The following SLC25A26 variants were observed in gnomAD, a reference collection of about 807,000 sequenced individuals.
The protein encoded by SLC25A26 is solute carrier family 25 member 26, also known as mitochondrial S-adenosylmethionine carrier protein.
Under a neutral mutation model 37.8 loss-of-function variants are expected in SLC25A26, and 36 were observed. The observed-to-expected ratio is 0.95, with a 90% CI of 0.73 to 1.26. The LOEUF (loss-of-function observed/expected upper bound fraction) is 1.26. SLC25A26 is among the 50% of genes most tolerant of loss of function. The pLI is 0.00. For synonymous variants in SLC25A26, 129 were observed against 122.5 expected (o/e 1.05, Z -0.35); for missense variants, 390 against 331.1 (o/e 1.18, Z -1.38).
intron 1 of SLC25A26, among the ~76,000 whole-genome samples, chr3:66,203,219 A>C (rs1431185264): frequency 1.1e-4 from 17 of 151,950 alleles, no homozygotes; most frequent in African/African-American, 4.1e-4. Flanking sequence ...TGTTTCTATA[A>C]ATAATTAAAA....
intron 1 of SLC25A26, among the ~76,000 whole-genome samples, chr3:66,232,399 C>G (rs2072076537): frequency 6.6e-6 from 1 of 152,080 alleles, no homozygotes; most frequent in Non-Finnish European, 1.5e-5. Flanking sequence ...GTAGTGCCTT[C>G]TAAAATATAG....
intron 3 of SLC25A26, among the ~76,000 whole-genome samples, chr3:66,246,554 T>C (rs1272428643): frequency 6.6e-6 from 1 of 152,202 alleles, no homozygotes; most frequent in Non-Finnish European, 1.5e-5. Context: ...ACAAATATTA[T>C]GTCATAACAT....
intron 6 of SLC25A26, among the ~76,000 whole-genome samples, chr3:66,352,789 T>A (rs1273907694): frequency 3.9e-5 from 6 of 151,942 alleles, no homozygotes; most frequent in African/African-American, 1.5e-4. Context: ...CCCTTCCCCA[T>A]ACCTCTCTCA....
intron 3 of SLC25A26, among the ~76,000 whole-genome samples, chr3:66,250,533 G>C (rs1678102): frequency 0.35 from 53,790 of 152,074 alleles, 10,070 homozygotes; most frequent in East Asian, 0.47. Flanking sequence ...TCTGGCAATG[G>C]TGGGCAGTGC....
chr3:66,294,308 T>C (rs538266136), intron 5 of SLC25A26, among the ~76,000 whole-genome samples: 1 of 152,296 alleles, frequency 6.6e-6, no homozygotes, highest in South Asian at 2.1e-4. Flanking sequence ...AGTTCATTCC[T>C]GATAGGTCTC....
rs993180072 is a variant in SLC25A26, at chr3:66,192,368, C to T, written c.-353-28374C>T. ...AAATTGCAGAATTTGCTCCCTCTCT[C>T]GACCCTCCAGCATGCGAGGGTATGA... On this transcript the variant is annotated intron_variant, in intron 1 of 10. Transcript: ENST00000676754. Among the ~76,000 whole-genome samples the T allele has an allele frequency of 8.6e-4, 130 of 151,170 alleles. No homozygotes were observed. The Middle Eastern group carries it at 0.024, about 28-fold the overall frequency.
At chr3:66,307,661 T>G (rs2075264834) in intron 5 of SLC25A26, among the ~76,000 whole-genome samples, 1 of 152,066 alleles carries the variant, frequency 6.6e-6, no homozygotes, top group Admixed American at 6.6e-5. Context: ...TCTTACATCT[T>G]GAGTTAATTT....
At chr3:66,342,743 G>A (rs2076237383) in intron 5 of SLC25A26, among the ~76,000 whole-genome samples, 1 of 152,072 alleles carries the variant, frequency 6.6e-6, no homozygotes, top group African/African-American at 2.4e-5. Context: ...ATCCTCACAT[G>A]CACTCTTGTA....
chr3:66,161,164 A>T (rs1161054098), intron 1 of SLC25A26, among the ~76,000 whole-genome samples: 1 of 149,750 alleles, frequency 6.7e-6, no homozygotes, highest in African/African-American at 2.4e-5. Flanking sequence ...GTTGTTGTAA[A>T]AAAAAAAAAA....
At chr3:66,290,325 G>T (rs2074662269) in intron 5 of SLC25A26, among the ~76,000 whole-genome samples, 1 of 151,566 alleles carries the variant, frequency 6.6e-6, no homozygotes, top group South Asian at 2.1e-4. Flanking sequence ...TTGCCTGATT[G>T]CCCTGGCCAG....
intron 1 of SLC25A26, among the ~76,000 whole-genome samples, chr3:66,175,624 ATGT>A (rs1314232689): frequency 2.6e-5 from 4 of 152,220 alleles, no homozygotes; most frequent in Non-Finnish European, 5.9e-5. Context: ...AGGAAAGCCA[ATGT>A]TGTAAGTTGT....
chr3:66,186,531 C>CT (rs1340468643), intron 1 of SLC25A26, among the ~76,000 whole-genome samples: 1 of 152,054 alleles, frequency 6.6e-6, no homozygotes, highest in Non-Finnish European at 1.5e-5. Context: ...TGACCCTAAC[C>CT]TTTACCCTGA....
intron 5 of SLC25A26, among the ~76,000 whole-genome samples, chr3:66,280,669 C>CT (rs544981470): frequency 5.9e-4 from 89 of 152,000 alleles, no homozygotes; most frequent in African/African-American, 1.7e-3. Context: ...CCACCTTTTT[C>CT]TTTTTTTTCT....
chr3:66,202,249 A>T (rs2071120574), intron 1 of SLC25A26, among the ~76,000 whole-genome samples: 1 of 152,114 alleles, frequency 6.6e-6, no homozygotes, highest in South Asian at 2.1e-4. Flanking sequence ...TTCTCAGTAA[A>T]CTAACACAGG....
intron 1 of SLC25A26, among the ~76,000 whole-genome samples, chr3:66,151,592 C>G (rs1315083596): frequency 2.0e-5 from 3 of 152,220 alleles, no homozygotes; most frequent in East Asian, 1.9e-4. Flanking sequence ...ACCCCATGCT[C>G]TCTGTTCTTG....
chr3:66,314,931 C>G (rs891495336), intron 5 of SLC25A26, among the ~76,000 whole-genome samples: 1 of 151,802 alleles, frequency 6.6e-6, no homozygotes, highest in Non-Finnish European at 1.5e-5. Flanking sequence ...ATAGTATTCT[C>G]TGATCATTGT....
rs183402531 is a variant in SLC25A26, at chr3:66,230,417, A to G, written c.34-6127A>G. On this transcript the variant is annotated intron_variant, in intron 1 of 9. Transcript: ENST00000354883. ...GGTTGCAGCTTTAAGAACGGAGAGG[A>G]TTTTGTCAGGGGTGTGTGTGTGCAT... Among the ~76,000 whole-genome samples the G allele has an allele frequency of 5.0e-3, 755 of 152,010 alleles. 14 individuals carry two copies. The highest frequency in any genetic ancestry group is 0.013 in the African/African-American group (551 of 41,448).
chr3:66,335,380 C>T (rs543247348), intron 5 of SLC25A26, among the ~76,000 whole-genome samples: 109 of 152,164 alleles, frequency 7.2e-4, no homozygotes, highest in African/African-American at 2.3e-3. Flanking sequence ...GATTAACTGA[C>T]GAATAAATGT....
upstream of SLC25A26, among the ~76,000 whole-genome samples, chr3:66,220,166 C>T (rs191288708): frequency 1.5e-3 from 228 of 152,268 alleles, 1 homozygote; most frequent in African/African-American, 5.3e-3. Flanking sequence ...TTCTCTGTAG[C>T]CACATTGAGT....
Sources: gnomAD v4.1 joint callset for allele counts (sites outside exome capture counted in the v4.1 genomes callset) on GRCh38, gnomAD v4.1.1 for gene constraint, MANE v1.5 for transcripts, NCBI Gene and HGNC (gene_info 2026-07-23, HGNC 2026-07-21) for gene names.